The following HEATR4 variants were observed in gnomAD, a reference collection of about 807,000 sequenced individuals.
HEATR4 encodes the protein HEAT repeat-containing protein 4.
HEATR4 carries 95 observed loss-of-function variants against 108.8 expected under a neutral mutation model. The ratio of observed to expected loss-of-function variants is 0.87; its 90% CI spans 0.74 to 1.04. The LOEUF (loss-of-function observed/expected upper bound fraction) is 1.04, where lower values mean the gene tolerates loss of function less well. HEATR4 is among the 50% of genes least tolerant of loss of function. The pLI, the probability that HEATR4 is intolerant of heterozygous loss-of-function variation, is 0.00. For missense variants in HEATR4, 1,152 were observed against 1,253.8 expected (o/e 0.92, Z 1.23); for synonymous variants, 443 against 459.4 (o/e 0.96, Z 0.46).
chr14:73,500,421 ACCCCCTTC>A, intron 12 of HEATR4, 121 bp downstream of exon 12: 1 of 988,278 alleles, frequency 1.0e-6, no homozygotes. Context: ...TGGCTTATAC[ACCCCCTTC>A]CCAGTTCCAA....
the HEATR4 span, chr14:73,580,943 T>C: frequency 7.2e-5 from 11 of 152,172 alleles, no homozygotes; most frequent in East Asian, 2.1e-3. Flanking sequence ...GTCTTAAGGT[T>C]TGAGGCTAAG....
the HEATR4 span, among the ~76,000 whole-genome samples, chr14:73,607,503 T>A: frequency 6.6e-6 from 1 of 152,160 alleles, no homozygotes; most frequent in South Asian, 2.1e-4. Flanking sequence ...TGAAGGTCTG[T>A]GACATGCCCT....
chr14:73,536,706 T>C lies in HEATR4; in HGVS notation c.-151-6462A>G, dbSNP rs2140309748. 1.8e-5 allele frequency among the ~76,000 whole-genome samples: 2 copies of C among 112,934 alleles called. 1 individual carries two copies. The highest frequency in any genetic ancestry group is 5.7e-4 in the South Asian group (2 of 3,520). The allele number at this position is 112,934 out of a possible 152,430, so 74.1% of individuals were successfully genotyped here. On this transcript the variant is annotated intron_variant, in intron 1 of 17. Transcript: ENST00000553558. ...AGGAGTTCGAGAAATTAATAACTATTACCTCATTTGGCTATTTTTACACCT... is the reference window on the plus strand; with the variant it reads ...AGGAGTTCGAGAAATTAATAACTATCACCTCATTTGGCTATTTTTACACCT...
chr14:73,518,775 C>T (rs891579021), intron 5 of HEATR4, among the ~76,000 whole-genome samples: 1 of 152,118 alleles, frequency 6.6e-6, no homozygotes, highest in African/African-American at 2.4e-5. Flanking sequence ...GGCCCTAAAC[C>T]ACTTGGTTAT....
the HEATR4 span, chr14:73,571,760 A>G: frequency 2.1e-4 from 32 of 151,984 alleles, no homozygotes; most frequent in African/African-American, 7.2e-4. Context: ...TGTTCTTTAA[A>G]AGTTTCTCAT....
intron 11 of HEATR4, among the ~76,000 whole-genome samples, chr14:73,501,201 C>T (rs906351753): frequency 6.6e-6 from 1 of 151,612 alleles, no homozygotes; most frequent in Non-Finnish European, 1.5e-5. Flanking sequence ...TTACTGCAAG[C>T]GCCGCCTCCT....
At chr14:73,560,513 A>T (rs1470025891), upstream of HEATR4, among the ~76,000 whole-genome samples, 2 of 151,870 alleles carry the variant, frequency 1.3e-5, 1 homozygote, top group African/African-American at 4.8e-5. Context: ...ATACAAAAAA[A>T]TTAGCCAGGC....
At chr14:73,522,096 AG>A (rs1249370171) in intron 3 of HEATR4, among the ~76,000 whole-genome samples, 175 bp downstream of exon 3, 1 of 152,244 alleles carries the variant, frequency 6.6e-6, no homozygotes, top group Non-Finnish European at 1.5e-5. Context: ...CCAGAATGTC[AG>A]CAGTGCAAAT....
chr14:73,564,721 GT>G, the HEATR4 span, among the ~76,000 whole-genome samples: 4 of 83,548 alleles, frequency 4.8e-5, no homozygotes, highest in African/African-American at 1.0e-4. Flanking sequence ...TATCTTTTCT[GT>G]TTTTTGTTTT....
the HEATR4 span, chr14:73,593,712 C>T: frequency 7.5e-6 from 12 of 1,610,556 alleles, no homozygotes; most frequent in Non-Finnish European, 1.0e-5. Flanking sequence ...GACCTGGACC[C>T]TTCCCAGGGA....
chr14:73,617,276 G>A, the HEATR4 span: 1 of 1,564,868 alleles, frequency 6.4e-7, no homozygotes, highest in East Asian at 2.2e-5. Context: ...CCAGAACACT[G>A]AGAACTAGAA....
At chr14:73,505,772 T>G (rs1886769963) in intron 10 of HEATR4, among the ~76,000 whole-genome samples, 1 of 152,058 alleles carries the variant, frequency 6.6e-6, no homozygotes, top group South Asian at 2.1e-4. Flanking sequence ...TTGGGTAGTC[T>G]AAGTCAGTGC....
At chr14:73,585,472 C>T in the HEATR4 span, among the ~76,000 whole-genome samples, 6,469 of 152,038 alleles carry the variant, frequency 0.043, 202 homozygotes, top group South Asian at 0.096. Flanking sequence ...ATTACCTGGG[C>T]TAAGGAGTTC....
chr14:73,524,307 AAAAATAT>A (rs1439224590), intron 2 of HEATR4, among the ~76,000 whole-genome samples: 21 of 110,068 alleles, frequency 1.9e-4, no homozygotes, highest in Non-Finnish European at 3.6e-4. Context: ...AAAAAAAAAA[AAAAATAT>A]ATATATATAT....
At chr14:73,514,288 A>G in intron 5 of HEATR4, 54 bp from the exon 6 acceptor site, 1 of 1,524,808 alleles carries the variant, frequency 6.6e-7, no homozygotes, top group Non-Finnish European at 9.0e-7. Context: ...AGGCCCTGCC[A>G]CACAGTGGCC....
chr14:73,481,001 G>T (rs1419268169), intron 17 of HEATR4: 1 of 149,238 alleles, frequency 6.7e-6, no homozygotes, highest in Non-Finnish European at 1.5e-5. Context: ...GGGCAGCAGA[G>T]CAAGACTCCA....
At chr14:73,605,241 T>C in the HEATR4 span, among the ~76,000 whole-genome samples, 1 of 152,200 alleles carries the variant, frequency 6.6e-6, no homozygotes, top group Non-Finnish European at 1.5e-5. Context: ...AAAAAGTCCT[T>C]TTAAATGTCT....
At chr14:73,592,355 A>G in the HEATR4 span, 2 of 1,590,664 alleles carry the variant, frequency 1.3e-6, no homozygotes, top group East Asian at 4.6e-5. Context: ...TCCTCCCGCC[A>G]GGGGTGCGGC....
chr14:73,491,081 C>G, intron 17 of HEATR4: 1 of 1,598,612 alleles, frequency 6.3e-7, no homozygotes, highest in South Asian at 1.1e-5. Context: ...CCGGCGCAAG[C>G]CCCAGCCACA....
Sources: allele counts gnomAD v4.1 joint callset (sites outside exome capture counted in the v4.1 genomes callset), GRCh38; gene constraint gnomAD v4.1.1; transcripts MANE v1.5; gene names NCBI Gene and HGNC (gene_info 2026-07-23, HGNC 2026-07-21).